SUGCT: variants seen among roughly 807,000 people sequenced by gnomAD.
The protein encoded by SUGCT is succinyl-CoA:glutarate CoA-transferase.
In SUGCT, 41 loss-of-function variants were observed where a neutral mutation model predicts 55.0. The observed-to-expected ratio is 0.74, with a 90% CI of 0.58 to 0.97. The LOEUF (loss-of-function observed/expected upper bound fraction) is 0.97, where lower values mean the gene tolerates loss of function less well. Ranked by LOEUF, SUGCT falls within the 50% of genes least tolerant of loss-of-function variation. The pLI, the probability that SUGCT is intolerant of heterozygous loss-of-function variation, is 0.00. For missense variants in SUGCT, 568 were observed against 547.8 expected, an observed-to-expected ratio of 1.04 and a Z score of -0.37; for synonymous variants, 187 against 200.4, an observed-to-expected ratio of 0.93 and a Z score of 0.56.
At chr7:40,799,755 T>C (rs1790718897) in intron 13 of SUGCT, among the ~76,000 whole-genome samples, 1 of 152,206 alleles carries the variant, frequency 6.6e-6, no homozygotes, top group Non-Finnish European at 1.5e-5. Flanking sequence ...TTTATTAATT[T>C]TTCAGAAAAC....
intron 9 of SUGCT, among the ~76,000 whole-genome samples, chr7:40,444,307 C>A (rs1386762060): frequency 6.6e-6 from 1 of 152,110 alleles, no homozygotes; most frequent in Non-Finnish European, 1.5e-5. Flanking sequence ...TGTAAATTAC[C>A]TTGGGCAGTA....
At chr7:40,345,914 T>G (rs888766534) in intron 9 of SUGCT, among the ~76,000 whole-genome samples, 5 of 152,056 alleles carry the variant, frequency 3.3e-5, no homozygotes, top group Non-Finnish European at 5.9e-5. Context: ...AGAAACTGGC[T>G]CAGATCTTTC....
At chr7:40,697,250 T>C (rs886966627) in intron 12 of SUGCT, among the ~76,000 whole-genome samples, 1 of 152,252 alleles carries the variant, frequency 6.6e-6, no homozygotes, top group African/African-American at 2.4e-5. Flanking sequence ...TTTATAAGTC[T>C]ATTATTTCTT....
intron 1 of SUGCT, among the ~76,000 whole-genome samples, chr7:40,138,734 T>C (rs757613428): frequency 4.6e-5 from 7 of 152,218 alleles, no homozygotes; most frequent in Non-Finnish European, 1.0e-4. Flanking sequence ...TTTTAATTTG[T>C]ATTTCTCTGA....
chr7:40,846,138 A>G (rs1201677798), intron 13 of SUGCT, among the ~76,000 whole-genome samples: 1 of 152,212 alleles, frequency 6.6e-6, no homozygotes, highest in Non-Finnish European at 1.5e-5. Context: ...TATGGAGCTT[A>G]AAATATTCTG....
chr7:40,781,421 G>A (rs779625027), intron 13 of SUGCT, among the ~76,000 whole-genome samples: 2 of 152,074 alleles, frequency 1.3e-5, no homozygotes, highest in Admixed American at 6.6e-5. Flanking sequence ...CTGGGAATGC[G>A]GCTGGCCTGA....
chr7:40,738,306 AT>A (rs879655232), intron 12 of SUGCT, among the ~76,000 whole-genome samples: 2 of 151,960 alleles, frequency 1.3e-5, no homozygotes, highest in African/African-American at 2.4e-5. Flanking sequence ...CAAGATGGGA[AT>A]TTTTTTATAG....
At chr7:40,257,934 T>G (rs925027676) in intron 7 of SUGCT, among the ~76,000 whole-genome samples, 3 of 152,108 alleles carry the variant, frequency 2.0e-5, no homozygotes, top group Admixed American at 6.6e-5. Flanking sequence ...GAGTATAGAT[T>G]GGGATAATGG....
the SUGCT span, among the ~76,000 whole-genome samples, chr7:40,903,926 T>G: frequency 1.3e-5 from 2 of 152,114 alleles, no homozygotes; most frequent in South Asian, 4.1e-4. Flanking sequence ...ACTTGATATA[T>G]TTGGGAATTG....
At chr7:40,500,594 A>G (rs982336823) in intron 12 of SUGCT, among the ~76,000 whole-genome samples, 3 of 152,182 alleles carry the variant, frequency 2.0e-5, no homozygotes, top group African/African-American at 7.2e-5. Flanking sequence ...TTTGTATGGG[A>G]TGAATATGTC....
At chr7:41,022,151 C>A in the SUGCT span, among the ~76,000 whole-genome samples, 1 of 152,090 alleles carries the variant, frequency 6.6e-6, no homozygotes, top group Non-Finnish European at 1.5e-5. Context: ...CACCTAGATA[C>A]CTTGTATGTG....
At chr7:40,338,036 G>C (rs1297895691) in intron 9 of SUGCT, among the ~76,000 whole-genome samples, 2 of 152,196 alleles carry the variant, frequency 1.3e-5, no homozygotes, top group East Asian at 3.9e-4. Context: ...ATGAAATTCT[G>C]GGTTGAAAAT....
chr7:40,364,317 T>A (rs1025033396), intron 9 of SUGCT, among the ~76,000 whole-genome samples: 2 of 151,726 alleles, frequency 1.3e-5, no homozygotes, highest in Non-Finnish European at 3.0e-5. Context: ...CATTTACATT[T>A]AAAGTTAATA....
At chr7:40,834,914 T>C (rs1792882801) in intron 13 of SUGCT, among the ~76,000 whole-genome samples, 1 of 152,218 alleles carries the variant, frequency 6.6e-6, no homozygotes, top group Non-Finnish European at 1.5e-5. Context: ...TAGGAGGCTA[T>C]GGATATGAAT....
intron 12 of SUGCT, among the ~76,000 whole-genome samples, chr7:40,707,285 T>A (rs768874696): frequency 2.6e-5 from 4 of 152,186 alleles, no homozygotes; most frequent in Non-Finnish European, 5.9e-5. Flanking sequence ...GAGAACGTTT[T>A]CTTCGTCTCC....
chr7:40,837,971 G>A (rs1793078282), intron 13 of SUGCT, among the ~76,000 whole-genome samples: 1 of 152,126 alleles, frequency 6.6e-6, no homozygotes. Context: ...GTTGCCTATG[G>A]ATGGTCAGTC....
intron 1 of SUGCT, among the ~76,000 whole-genome samples, chr7:40,166,098 G>A (rs1436900350): frequency 2.0e-5 from 3 of 152,064 alleles, no homozygotes; most frequent in Non-Finnish European, 4.4e-5. Context: ...CTCCAGCCTG[G>A]GTGACAGAGC....
intron 13 of SUGCT, among the ~76,000 whole-genome samples, chr7:40,790,474 T>C (rs193017188): frequency 1.4e-4 from 21 of 152,286 alleles, no homozygotes; most frequent in East Asian, 9.6e-4. Context: ...TAGCTTTGAG[T>C]GTATTCTAAG....
At chr7:40,372,756 A>C (rs1026050937) in intron 9 of SUGCT, among the ~76,000 whole-genome samples, 2 of 152,086 alleles carry the variant, frequency 1.3e-5, no homozygotes, top group Admixed American at 1.3e-4. Context: ...CTCTAACAGA[A>C]TGGAATATTC....
Sources: gnomAD v4.1 joint callset for allele counts (sites outside exome capture counted in the v4.1 genomes callset) on GRCh38, gnomAD v4.1.1 for gene constraint, MANE v1.5 for transcripts, NCBI Gene and HGNC (gene_info 2026-07-23, HGNC 2026-07-21) for gene names.